The following XRN1 variants were observed in gnomAD, a reference collection of about 807,000 sequenced individuals.
The protein encoded by XRN1 is 5'-3' exoribonuclease 1.
In XRN1, 67 loss-of-function variants were observed where a neutral mutation model predicts 222.3. That is an observed-to-expected ratio of 0.30 (90% CI 0.25 to 0.37). The LOEUF is 0.37. XRN1 is among the 10% of genes least tolerant of loss of function. XRN1 has a pLI of 1.00. For synonymous variants in XRN1, 643 were observed against 652.4 expected (o/e 0.99, Z 0.22); for missense variants, 1,707 against 2,000.2 (o/e 0.85, Z 2.80).
At chr3:142,327,700 G>A (rs1228971055) in intron 37 of XRN1, among the ~76,000 whole-genome samples, 1 of 151,962 alleles carries the variant, frequency 6.6e-6, no homozygotes, top group Admixed American at 6.6e-5. Context: ...TAAACGTAAG[G>A]GGTGCGAGTG....
chr3:142,420,179 T>G (rs1218941501), intron 10 of XRN1: 1 of 151,314 alleles, frequency 6.6e-6, no homozygotes, highest in East Asian at 1.9e-4. Flanking sequence ...AAAATAACAA[T>G]TTTTTTTTAA....
At position 142,350,440 on chromosome 3, in the gene XRN1, C is replaced by A. The variant is rs76562472; in HGVS notation, c.3769-3098G>T. Among the ~76,000 whole-genome samples the A allele has an allele frequency of 6.8e-3, 1,030 of 152,076 alleles. 4 individuals are homozygous for A. The highest frequency in any genetic ancestry group is 0.011 in the Non-Finnish European group (745 of 67,974). ...AAATGTGATTAGAGAGGTGACACATCAATATTGTATGGGACATTCCAGGCC... is the reference window on the plus strand; with the variant it reads ...AAATGTGATTAGAGAGGTGACACATAAATATTGTATGGGACATTCCAGGCC... On this transcript the variant is annotated intron_variant, in intron 32 of 40. Transcript: ENST00000392981.
At chr3:142,356,223 A>G (rs1049111425) in intron 31 of XRN1, among the ~76,000 whole-genome samples, 4 of 152,180 alleles carry the variant, frequency 2.6e-5, no homozygotes, top group African/African-American at 9.7e-5. Context: ...ATAAATTTAA[A>G]TATCAACTAT....
At chr3:142,394,742 A>G (rs1380057467) in intron 20 of XRN1, among the ~76,000 whole-genome samples, 1 of 152,198 alleles carries the variant, frequency 6.6e-6, no homozygotes, top group African/African-American at 2.4e-5. Context: ...GTTTTTACAC[A>G]CAATTAAAAC....
Position 142,318,801 on chromosome 3 carries a change from A to C in XRN1, c.4507T>G (p.Leu1503Val). ...EAKEKAALFA[L>V]QQLGSLGMNF... ...TGGACAGTTCTTACCAACTGTTGTA[A>C]AGCAAAAAGTGCAGCTTTCTCTTTG... is the stretch of plus-strand genomic sequence containing the variant. Residue 1503 changes from leucine (L) to valine (V), a missense_variant, in exon 38 of 41, where the codon TTA (leucine) becomes GTA (valine). Physicochemically the swap from Leu to Val is conservative, Grantham distance 32 (BLOSUM62 1). This residue lies in a region of XRN1 where 473 missense variants were observed against 482.0 expected (regional missense o/e 0.98). Transcript: ENST00000392981. 6.2e-7 allele frequency: 1 copy of C among 1,613,960 alleles called. No individual in the cohort carries two copies. Among genetic ancestry groups the C allele is most frequent in the Non-Finnish European group, 8.5e-7 (1 of 1,179,914 alleles).
Position 142,371,234 on chromosome 3 carries a change from C to T in XRN1, c.3068+5G>A. Reference sequence around the variant, plus strand: ...GAGGTAATAAATATCATAAATCTTGCTTACCCATTCTCATTTTCTCCAGGC... The same window carrying T: ...GAGGTAATAAATATCATAAATCTTGTTTACCCATTCTCATTTTCTCCAGGC... On this transcript the variant is annotated splice_donor_5th_base_variant and intron_variant, in intron 26 of 40. Coordinates refer to ENST00000392981, the MANE Select transcript of XRN1 (RefSeq NM_001282857.2). The T allele has an allele frequency of 1.2e-6, 2 of 1,609,524 alleles. No individual in the cohort carries two copies. Among genetic ancestry groups the T allele is most frequent in the Admixed American group, 1.7e-5 (1 of 59,630 alleles).
At chr3:142,325,429 T>A (rs1468265737) in intron 37 of XRN1, among the ~76,000 whole-genome samples, 2 of 152,290 alleles carry the variant, frequency 1.3e-5, no homozygotes, top group Non-Finnish European at 1.5e-5. Flanking sequence ...TTTTATTTTT[T>A]AAAAATTCAA....
chr3:142,361,331 T>C (rs1341994153), intron 29 of XRN1, among the ~76,000 whole-genome samples: 2 of 152,254 alleles, frequency 1.3e-5, no homozygotes, highest in Non-Finnish European at 2.9e-5. Flanking sequence ...ATTACATACA[T>C]ATAAAGCTGC....
At chr3:142,396,905 T>C (rs1270678540) in intron 20 of XRN1, among the ~76,000 whole-genome samples, 9 of 152,042 alleles carry the variant, frequency 5.9e-5, no homozygotes, top group Non-Finnish European at 1.5e-5. Context: ...TTCTAAGCCC[T>C]GGGGAATATG....
At chr3:142,419,615 C>T (rs191045659) in intron 10 of XRN1, among the ~76,000 whole-genome samples, 17 of 152,266 alleles carry the variant, frequency 1.1e-4, no homozygotes, top group African/African-American at 4.1e-4. Flanking sequence ...TCGAGACCAG[C>T]ATTACCAACA....
intron 37 of XRN1, among the ~76,000 whole-genome samples, chr3:142,322,927 C>T (rs1400755820): frequency 2.6e-5 from 4 of 151,978 alleles, no homozygotes; most frequent in African/African-American, 7.3e-5. Context: ...CGCTTGAACC[C>T]GGGAGGCGGA....
At chr3:142,444,858 A>C (rs562201451) in intron 1 of XRN1, among the ~76,000 whole-genome samples, 4 of 152,338 alleles carry the variant, frequency 2.6e-5, no homozygotes, top group South Asian at 2.1e-4. Flanking sequence ...TAATCATAAT[A>C]ATCCCAGGCT....
intron 15 of XRN1, among the ~76,000 whole-genome samples, chr3:142,412,114 G>T (rs531144953): frequency 2.0e-5 from 3 of 152,028 alleles, no homozygotes; most frequent in African/African-American, 7.2e-5. Flanking sequence ...GTGAGCCACC[G>T]CGCCCGGCCA....
At chr3:142,333,162 T>C in intron 34 of XRN1, 73 bp from the exon 35 acceptor site, 1 of 1,490,670 alleles carries the variant, frequency 6.7e-7, no homozygotes, top group East Asian at 2.4e-5. Flanking sequence ...GAGTTTTATG[T>C]ACAAAAATGG....
chr3:142,325,722 G>A (rs1577222765), intron 37 of XRN1, among the ~76,000 whole-genome samples: 1 of 152,042 alleles, frequency 6.6e-6, no homozygotes, highest in East Asian at 1.9e-4. Context: ...TGCTTTTGAT[G>A]TCTTACTTAT....
intron 36 of XRN1, among the ~76,000 whole-genome samples, chr3:142,330,375 A>C (rs1215947573): frequency 6.6e-6 from 1 of 152,160 alleles, no homozygotes; most frequent in African/African-American, 2.4e-5. Flanking sequence ...GTGTTTTTAT[A>C]TGGAAGATGA....
At chr3:142,431,917 T>TATTAC (rs2069593184) in intron 2 of XRN1, among the ~76,000 whole-genome samples, 2 of 88,246 alleles carry the variant, frequency 2.3e-5, no homozygotes, top group African/African-American at 1.0e-4. Context: ...TATATAAATA[T>TATTAC]ATATAATATA....
At chr3:142,400,967 A>G (rs2068106633) in intron 18 of XRN1, among the ~76,000 whole-genome samples, 1 of 151,360 alleles carries the variant, frequency 6.6e-6, no homozygotes, top group Non-Finnish European at 1.5e-5. Flanking sequence ...TAGTTGCTTT[A>G]CAAAATTCCA....
intron 23 of XRN1, among the ~76,000 whole-genome samples, chr3:142,377,403 G>A (rs2067177271): frequency 6.6e-6 from 1 of 152,028 alleles, no homozygotes; most frequent in Admixed American, 6.6e-5. Flanking sequence ...ATGCTTTCCA[G>A]AACAGTTCAA....
Sources: gnomAD v4.1 joint callset for allele counts (sites outside exome capture counted in the v4.1 genomes callset) on GRCh38, gnomAD v4.1.1 for gene constraint, gnomAD v4.1.1 regional missense constraint, MANE v1.5 for transcripts, NCBI Gene and HGNC (gene_info 2026-07-23, HGNC 2026-07-21) for gene names.